The following SMAD6 variants were observed in gnomAD, a reference collection of about 807,000 sequenced individuals.
The protein encoded by SMAD6 is MAD homolog 6.
A neutral mutation model predicts 39.4 loss-of-function variants in SMAD6; 103 were observed. That is an observed-to-expected ratio of 2.62 (90% confidence interval 2.23 to 3.08). The LOEUF (loss-of-function observed/expected upper bound fraction) is 3.08. Ranked by LOEUF, SMAD6 falls within the 30% of genes most tolerant of loss-of-function variation. The pLI, the probability that SMAD6 is intolerant of heterozygous loss-of-function variation, is 0.00. For synonymous variants in SMAD6, 445 were observed against 353.3 expected (o/e 1.26, Z -2.91); for missense variants, 1,104 against 742.9 (o/e 1.49, Z -5.65).
rs574903484 is a variant in SMAD6, at chr15:66,780,963, G to A, written c.953-34G>A. ...TCGGTGCCTCCCACCTCCCCACCCAGAATAACGCGGCGGTCCCTGTGCTTG... is the reference window on the plus strand; with the variant it reads ...TCGGTGCCTCCCACCTCCCCACCCAAAATAACGCGGCGGTCCCTGTGCTTG... On this transcript the variant is annotated intron_variant, in intron 3 of 3. Coordinates refer to ENST00000288840, the MANE Select transcript of SMAD6 (RefSeq NM_005585.5). 5 of 1,516,084 alleles carry A rather than the reference G, an allele frequency of 3.3e-6. No individual in the cohort carries two copies. In the African/African-American group the frequency reaches 5.5e-5, roughly 17 times the overall value. 93.9% of individuals were successfully genotyped at this position (1,516,084 alleles called of 1,614,324 possible).
At chr15:66,774,686 T>TG (rs1476834956) in intron 3 of SMAD6, among the ~76,000 whole-genome samples, 1 of 152,140 alleles carries the variant, frequency 6.6e-6, no homozygotes, top group African/African-American at 2.4e-5. Flanking sequence ...CACCGTTCTT[T>TG]AAGTATCCAG....
At position 66,781,915 on chromosome 15, in the gene SMAD6, T is replaced by C. The variant is rs1036830308; in HGVS notation, c.*380T>C. 6.0e-5 allele frequency: 24 copies of C among 398,818 alleles called. No individual in the cohort carries two copies. The highest frequency in any genetic ancestry group is 1.1e-4 in the Non-Finnish European group (24 of 226,062). 24.7% of individuals were successfully genotyped at this position (398,818 alleles called of 1,614,324 possible). A position where few individuals can be genotyped will look rare whatever the true frequency, so the allele number is the denominator to read the frequency against. ...TAGGTGGAAAAGCCTGGGTTTGGTG[T>C]ATGGTTTTTGAGATATTAATGCCCA... On this transcript the variant is annotated 3_prime_UTR_variant, in exon 4 of 4. Coordinates refer to ENST00000288840, the MANE Select transcript of SMAD6 (RefSeq NM_005585.5).
chr15:66,715,764 TAAA>T lies in SMAD6; in HGVS notation c.875-642_875-640del, dbSNP rs55742236. On this transcript the variant is annotated intron_variant, in intron 2 of 3. Transcript: ENST00000288840. ...TACATATGAAGTACTTAAAACTACT[TAAA>T]AAAAAAAAAAAAAAGAACGCCTTAA... Among the ~76,000 whole-genome samples, 178 of 103,058 alleles carry T rather than the reference TAAA, an allele frequency of 1.7e-3. 1 individual carries two copies. Among genetic ancestry groups the T allele is most frequent in the East Asian group, 0.012 (42 of 3,610 alleles). The allele number at this position is 103,058 out of a possible 152,430, so 67.6% of individuals were successfully genotyped here.
chr15:66,781,512 A>T lies in SMAD6; in HGVS notation c.1468A>T (p.Ile490Phe). 1 of 1,560,998 alleles carries T rather than the reference A, an allele frequency of 6.4e-7. No individual in the cohort carries two copies. The highest frequency in any genetic ancestry group is 8.6e-7 in the Non-Finnish European group (1 of 1,157,222). The change falls in exon 4 of 4, where the codon ATC (isoleucine) becomes TTC (phenylalanine). Residue 490 changes from isoleucine (I) to phenylalanine (F), a missense_variant. By Grantham distance (21) the Ile-to-Phe change is conservative. Coordinates refer to ENST00000288840, the MANE Select transcript of SMAD6 (RefSeq NM_005585.5). ...FITSCPCWLEILLNNPR is the reference protein window; with the variant it reads ...FITSCPCWLEFLLNNPR Reference sequence around the variant, plus strand: ...CACCTCCTGCCCCTGCTGGCTGGAGATCCTCCTCAACAACCCCAGATAGTG... The same window carrying T: ...CACCTCCTGCCCCTGCTGGCTGGAGTTCCTCCTCAACAACCCCAGATAGTG...
intron 3 of SMAD6, among the ~76,000 whole-genome samples, chr15:66,722,419 C>G (rs536581545): frequency 1.4e-4 from 22 of 152,362 alleles, no homozygotes; most frequent in African/African-American, 4.6e-4. Context: ...AACAATCAGA[C>G]TTGAACCTAG....
At chr15:66,729,568 T>A (rs536744818) in intron 3 of SMAD6, among the ~76,000 whole-genome samples, 1 of 152,054 alleles carries the variant, frequency 6.6e-6, no homozygotes, top group Non-Finnish European at 1.5e-5. Context: ...GACAGCGTGG[T>A]GTTTTCAGCC....
At chr15:66,708,921 G>C (rs968152651) in intron 1 of SMAD6, among the ~76,000 whole-genome samples, 1 of 152,242 alleles carries the variant, frequency 6.6e-6, no homozygotes, top group Non-Finnish European at 1.5e-5. Flanking sequence ...ATGAATCTTA[G>C]GGTATGTGAA....
chr15:66,707,106 G>A (rs562898893), intron 1 of SMAD6: 1 of 152,288 alleles, frequency 6.6e-6, no homozygotes, highest in Admixed American at 6.5e-5. Context: ...CCTCCCCCTT[G>A]GGTGTCTTTC....
intron 1 of SMAD6, chr15:66,704,607 C>G (rs770758864): frequency 6.6e-6 from 1 of 152,332 alleles, no homozygotes; most frequent in Non-Finnish European, 1.5e-5. Flanking sequence ...TGCATACTTT[C>G]GACAAAGCTT....
intron 2 of SMAD6, among the ~76,000 whole-genome samples, chr15:66,715,863 G>T (rs757949663): frequency 1.3e-5 from 2 of 151,918 alleles, no homozygotes; most frequent in Non-Finnish European, 2.9e-5. Context: ...GGGGAGGGGA[G>T]AGAAAAAACA....
intron 3 of SMAD6, among the ~76,000 whole-genome samples, chr15:66,729,796 C>T (rs1226127030): frequency 6.6e-6 from 1 of 152,104 alleles, no homozygotes; most frequent in Non-Finnish European, 1.5e-5. Context: ...TTAAAGGGGC[C>T]GTGCACACAG....
chr15:66,707,623 C>G (rs1189785649), intron 1 of SMAD6: 2 of 152,282 alleles, frequency 1.3e-5, no homozygotes, highest in Non-Finnish European at 2.9e-5. Flanking sequence ...CTGGCGCCAG[C>G]CGGCCGCGCT....
intron 3 of SMAD6, among the ~76,000 whole-genome samples, chr15:66,765,457 T>G (rs1894272116): frequency 6.6e-6 from 1 of 152,212 alleles, no homozygotes; most frequent in African/African-American, 2.4e-5. Context: ...TCTCCTGACC[T>G]CGTGATCTGC....
rs1893033526 is a variant in SMAD6 at position 66,703,674 on chromosome 15, G to T, written c.416G>T (p.Arg139Leu). Residue 139 changes from arginine (R) to leucine (L), a missense_variant, in exon 1 of 4, where the codon CGG (arginine) becomes CTG (leucine). Physicochemically the swap from Arg to Leu is moderately radical, Grantham distance 102 (BLOSUM62 -2). Coordinates refer to ENST00000288840, the MANE Select transcript of SMAD6 (RefSeq NM_005585.5). ...GAGCGGGACGCCGCCGGCGCGCCCC[G>T]GGACGCCAGCGACCCCCTGGCCGGG... ...FSERDAAGAP[R>L]DASDPLAGAA... 2.4e-6 allele frequency: 3 copies of T among 1,232,302 alleles called. No individual in the cohort carries two copies. The highest frequency in any genetic ancestry group is 4.0e-5 in the South Asian group (1 of 24,988). 76.3% of individuals were successfully genotyped at this position (1,232,302 alleles called of 1,614,324 possible).
At chr15:66,711,154 G>T (rs1893218500) in intron 1 of SMAD6, among the ~76,000 whole-genome samples, 1 of 152,138 alleles carries the variant, frequency 6.6e-6, no homozygotes, top group African/African-American at 2.4e-5. Context: ...AATATTGAAA[G>T]GGACACACTT....
intron 2 of SMAD6, 58 bp from the exon 3 acceptor site, chr15:66,716,363 G>T (rs1247939744): frequency 8.0e-7 from 1 of 1,254,894 alleles, no homozygotes; most frequent in East Asian, 2.3e-5. Flanking sequence ...TGAGAAAGAA[G>T]AAAAAAGAGA....
At position 66,781,445 on chromosome 15, in the gene SMAD6, C is replaced by T. The variant is rs1303185082; in HGVS notation, c.1401C>T (p.Ser467=). The T allele has an allele frequency of 1.2e-6, 2 of 1,605,342 alleles. No individual in the cohort carries two copies. The highest frequency in any genetic ancestry group is 1.3e-5 in the African/African-American group (1 of 74,772). ...GPYDPNSVRI[S]FAKGWGPCYS... The stretch of plus-strand genomic sequence containing the variant: ...ACGACCCCAACAGCGTCCGCATCAG[C>T]TTCGCCAAGGGCTGGGGGCCCTGCT... Residue 467 remains serine (S), a synonymous_variant, in exon 4 of 4, where the codon AGC becomes AGT. Transcript: ENST00000288840.
At chr15:66,714,308 C>T (rs1470565318) in intron 2 of SMAD6, among the ~76,000 whole-genome samples, 2 of 152,058 alleles carry the variant, frequency 1.3e-5, no homozygotes, top group African/African-American at 4.8e-5. Flanking sequence ...TGACACTTGC[C>T]GGTGGTCAAA....
At position 66,782,151 on chromosome 15, in the gene SMAD6, A is replaced by C; in HGVS notation, c.*616A>C. On this transcript the variant is annotated 3_prime_UTR_variant, in exon 4 of 4. Coordinates refer to ENST00000288840, the MANE Select transcript of SMAD6 (RefSeq NM_005585.5). ...AGGGAGGAAAGTCACATTTACTCTT[A>C]AGTAAACCAGAGAAAGTTCTGTTGT... 2.7e-6 allele frequency: 1 copy of C among 376,274 alleles called. No individual in the cohort carries two copies. Among genetic ancestry groups the C allele is most frequent in the Non-Finnish European group, 4.7e-6 (1 of 214,304 alleles). The allele number at this position is 376,274 out of a possible 1,614,324, so 23.3% of individuals were successfully genotyped here. A position where few individuals can be genotyped will look rare whatever the true frequency, so the allele number is the denominator to read the frequency against.
Sources: gnomAD v4.1 joint callset for allele counts (sites outside exome capture counted in the v4.1 genomes callset) on GRCh38, gnomAD v4.1.1 for gene constraint, MANE v1.5 for transcripts, NCBI Gene and HGNC (gene_info 2026-07-23, HGNC 2026-07-21) for gene names.